Variants in ADAMTS6 observed in about 807,000 individuals in gnomAD.
The protein encoded by ADAMTS6 is ADAM metallopeptidase with thrombospondin type 1 motif 6, also known as A disintegrin and metalloproteinase with thrombospondin motifs 6.
A neutral mutation model predicts 144.3 loss-of-function variants in ADAMTS6; 23 were observed. The ratio of observed to expected loss-of-function variants is 0.16; its 90% CI spans 0.11 to 0.23. The LOEUF (loss-of-function observed/expected upper bound fraction) is 0.23. Among genes scored for constraint, ADAMTS6 ranks in the 10% least tolerant of loss-of-function variants. ADAMTS6 has a pLI of 1.00. For missense variants in ADAMTS6, 999 were observed against 1,379.6 expected, an observed-to-expected ratio of 0.72 and a Z score of 4.37; for synonymous variants, 444 against 457.5, an observed-to-expected ratio of 0.97 and a Z score of 0.38.
intron 24 of ADAMTS6, among the ~76,000 whole-genome samples, chr5:65,157,975 T>C (rs1161639249): frequency 6.6e-6 from 1 of 152,168 alleles, no homozygotes; most frequent in Non-Finnish European, 1.5e-5. Context: ...ACCATTCCTT[T>C]CTCTCTTTGC....
chr5:65,415,696 G>A, intron 7 of ADAMTS6: 2 of 229,426 alleles, frequency 8.7e-6, no homozygotes, highest in South Asian at 1.0e-4. Flanking sequence ...GACCTACGCT[G>A]GCCAGAACAC....
At chr5:65,456,731 C>T (rs988561096) in intron 4 of ADAMTS6, among the ~76,000 whole-genome samples, 2 of 152,056 alleles carry the variant, frequency 1.3e-5, no homozygotes, top group Admixed American at 1.3e-4. Flanking sequence ...ATATCTATTT[C>T]AATGGACTAG....
At chr5:65,276,428 A>G (rs1043379056) in intron 11 of ADAMTS6, among the ~76,000 whole-genome samples, 1 of 152,174 alleles carries the variant, frequency 6.6e-6, no homozygotes, top group Non-Finnish European at 1.5e-5. Context: ...TGCAATTTGA[A>G]TCTCAACTTG....
intron 2 of ADAMTS6, 127 bp from the exon 3 acceptor site, chr5:65,471,269 G>A (rs1760411782): frequency 3.4e-6 from 3 of 890,816 alleles, no homozygotes; most frequent in Admixed American, 8.1e-5. Flanking sequence ...TTATATGTGA[G>A]GTATGTACAA....
chr5:65,182,506 A>C (rs1285801074), intron 22 of ADAMTS6, among the ~76,000 whole-genome samples: 2 of 152,010 alleles, frequency 1.3e-5, no homozygotes, highest in Non-Finnish European at 2.9e-5. Flanking sequence ...TATTGTGTCA[A>C]GTAGTGTTCT....
At chr5:65,280,537 G>C (rs1196578133) in intron 11 of ADAMTS6, among the ~76,000 whole-genome samples, 1 of 151,976 alleles carries the variant, frequency 6.6e-6, no homozygotes, top group Non-Finnish European at 1.5e-5. Context: ...ATATGAGAAA[G>C]CTTGCCCGAT....
At chr5:65,318,303 C>T (rs934284983) in intron 9 of ADAMTS6, among the ~76,000 whole-genome samples, 1 of 152,040 alleles carries the variant, frequency 6.6e-6, no homozygotes, top group Non-Finnish European at 1.5e-5. Flanking sequence ...AGTACAGCCA[C>T]TATGAAGAAC....
At chr5:65,328,349 C>T (rs1428597696) in intron 9 of ADAMTS6, among the ~76,000 whole-genome samples, 1 of 151,880 alleles carries the variant, frequency 6.6e-6, no homozygotes, top group East Asian at 1.9e-4. Context: ...ATCTATGACG[C>T]CACCAAAAAA....
chr5:65,265,303 G>A (rs1761525569), intron 12 of ADAMTS6, among the ~76,000 whole-genome samples: 1 of 152,052 alleles, frequency 6.6e-6, no homozygotes, highest in South Asian at 2.1e-4. Flanking sequence ...TCAACCCTGT[G>A]ATCAGGGTTA....
At chr5:65,377,584 T>G (rs371575117) in intron 7 of ADAMTS6, among the ~76,000 whole-genome samples, 1 of 152,216 alleles carries the variant, frequency 6.6e-6, no homozygotes, top group East Asian at 1.9e-4. Flanking sequence ...TACAAAATGT[T>G]AACACATTGT....
intron 20 of ADAMTS6, among the ~76,000 whole-genome samples, chr5:65,213,418 G>A (rs1358892017): frequency 6.6e-6 from 1 of 152,134 alleles, no homozygotes; most frequent in East Asian, 1.9e-4. Context: ...GAGGCAGGAG[G>A]AATGCTTGAG....
chr5:65,426,222 T>A lies in ADAMTS6; in HGVS notation c.1073+25253A>T, dbSNP rs1246204014. Among the ~76,000 whole-genome samples the A allele has an allele frequency of 2.0e-5, 3 of 151,608 alleles. No homozygotes were observed. The East Asian group carries it at 5.8e-4, about 29-fold the overall frequency. ...CCACCATGCCTGGCTAATTTTTTTT[T>A]TTTTTTTTTAATTTTTAGTAGAGAC... On this transcript the variant is annotated intron_variant, in intron 7 of 24. Transcript: ENST00000381055.
chr5:65,475,619 G>T (rs780391335), intron 1 of ADAMTS6, among the ~76,000 whole-genome samples: 13 of 152,172 alleles, frequency 8.5e-5, no homozygotes, highest in Non-Finnish European at 1.6e-4. Context: ...AAGCATTTCA[G>T]ATAGATCCCG....
At position 65,188,167 on chromosome 5, in the gene ADAMTS6, C is replaced by T. The variant is rs764664895; in HGVS notation, c.2759G>A (p.Arg920His). ...CCTGATGCAGAGCACTGCCCTTGTGCGCATCCCACCATCACAAGTCTTGCT... is the reference window on the plus strand; with the variant it reads ...CCTGATGCAGAGCACTGCCCTTGTGTGCATCCCACCATCACAAGTCTTGCT... ...ECSKTCDGGMRTRAVLCIRKI... is the reference protein window; with the variant it reads ...ECSKTCDGGMHTRAVLCIRKI... The change falls in exon 22 of 25, where the codon CGC (arginine) becomes CAC (histidine). Residue 920 changes from arginine (R) to histidine (H), a missense_variant. Arg to His is a conservative substitution (Grantham distance 29). Coordinates refer to ENST00000381055, the MANE Select transcript of ADAMTS6 (RefSeq NM_197941.4). 2.5e-6 allele frequency: 4 copies of T among 1,614,084 alleles called. No homozygotes were observed. The highest frequency in any genetic ancestry group is 2.2e-5 in the South Asian group (2 of 91,080).
intron 7 of ADAMTS6, among the ~76,000 whole-genome samples, chr5:65,335,943 A>T (rs924656608): frequency 2.5e-4 from 35 of 140,710 alleles, no homozygotes; most frequent in South Asian, 2.2e-4. Context: ...AAGCCAGATT[A>T]AAAAAAAAGA....
chr5:65,347,877 T>G (rs1173548060), intron 7 of ADAMTS6, among the ~76,000 whole-genome samples: 1 of 152,092 alleles, frequency 6.6e-6, no homozygotes, highest in Non-Finnish European at 1.5e-5. Flanking sequence ...TGAACAGACA[T>G]TTCTCAAAAG....
chr5:65,311,775 A>G (rs569545085), intron 9 of ADAMTS6, among the ~76,000 whole-genome samples: 1 of 152,208 alleles, frequency 6.6e-6, no homozygotes, highest in South Asian at 2.1e-4. Flanking sequence ...AAGAGCAAAC[A>G]TAGCCTACTG....
intron 9 of ADAMTS6, among the ~76,000 whole-genome samples, chr5:65,305,847 T>C (rs1331265924): frequency 1.3e-5 from 2 of 152,006 alleles, no homozygotes; most frequent in Non-Finnish European, 2.9e-5. Context: ...TGGAGACAGA[T>C]ACATATTGGG....
At chr5:65,286,760 T>G (rs1381781875) in intron 11 of ADAMTS6, among the ~76,000 whole-genome samples, 2 of 152,228 alleles carry the variant, frequency 1.3e-5, no homozygotes, top group African/African-American at 4.8e-5. Context: ...GAGCCTTGAA[T>G]TAATCTATGC....
Sources: allele counts gnomAD v4.1 joint callset (sites outside exome capture counted in the v4.1 genomes callset), GRCh38; gene constraint gnomAD v4.1.1; transcripts MANE v1.5; gene names NCBI Gene and HGNC (gene_info 2026-07-23, HGNC 2026-07-21).